CPD: variants seen among roughly 807,000 people sequenced by gnomAD.
CPD encodes carboxypeptidase D.
In CPD, 69 loss-of-function variants were observed where a neutral mutation model predicts 138.3. The ratio of observed to expected loss-of-function variants is 0.50; its 90% CI spans 0.41 to 0.61. The LOEUF is 0.61. Among genes scored for constraint, CPD ranks in the 20% least tolerant of loss-of-function variants. CPD has a pLI of 0.00. For missense variants in CPD, 1,432 were observed against 1,733.3 expected (o/e 0.83, Z 3.09); for synonymous variants, 651 against 642.1 (o/e 1.01, Z -0.21).
chr17:30,426,642 T>TA (rs1912417187), intron 6 of CPD, among the ~76,000 whole-genome samples: 2 of 152,230 alleles, frequency 1.3e-5, no homozygotes, highest in Non-Finnish European at 2.9e-5. Context: ...TTGAGGAAGT[T>TA]ACAAATCTTA....
chr17:30,440,557 T>C (rs1912835011), intron 9 of CPD, among the ~76,000 whole-genome samples: 2 of 148,942 alleles, frequency 1.3e-5, no homozygotes, highest in Admixed American at 1.3e-4. Flanking sequence ...AACGTTTAAA[T>C]CTTTAATCCA....
At chr17:30,453,497 C>T (rs1913217166) in intron 14 of CPD, among the ~76,000 whole-genome samples, 1 of 152,144 alleles carries the variant, frequency 6.6e-6, no homozygotes, top group South Asian at 2.1e-4. Flanking sequence ...ACCCCTGTGG[C>T]TTTACAGGGT....
At chr17:30,421,888 A>G (rs2143413651) in intron 4 of CPD, 55 bp downstream of exon 4, 2 of 1,347,968 alleles carry the variant, frequency 1.5e-6, no homozygotes, top group Non-Finnish European at 2.1e-6. Context: ...TCTGTTTTAT[A>G]TCTGAGACAG....
At position 30,379,104 on chromosome 17, in the gene CPD, ACAACTACGAGCGCGGGCGCCGAGGCGG is replaced by A; in HGVS notation, c.126_152del (p.Thr43_Ala51del). 5.8e-6 allele frequency: 9 copies of A among 1,551,650 alleles called. No individual in the cohort carries two copies. The highest frequency in any genetic ancestry group is 7.8e-6 in the Non-Finnish European group (9 of 1,153,852). ...CATCAAGAAGGCGGAGGCGACTACC[ACAACTACGAGCGCGGGCGCCGAGGCGG>A]CCGAGGGCCAGTTCGACCGCTACTA... is the stretch of plus-strand genomic sequence containing the variant. On this transcript the variant is annotated inframe_deletion, in exon 1 of 21. Transcript: ENST00000225719. This position sits in a 1 kb window ranked among gnomAD's most constrained non-coding sequence, Gnocchi z 7.0.
At chr17:30,407,978 T>C (rs2143374566) in intron 2 of CPD, among the ~76,000 whole-genome samples, 1 of 152,334 alleles carries the variant, frequency 6.6e-6, no homozygotes, top group East Asian at 1.9e-4. Context: ...TAAAACATCT[T>C]GAGTTAATTT....
Position 30,423,102 on chromosome 17 carries a change from A to G in CPD, c.1657+79A>G, listed in dbSNP as rs1030453303. On this transcript the variant is annotated intron_variant, in intron 5 of 20. Coordinates refer to ENST00000225719, the MANE Select transcript of CPD (RefSeq NM_001304.5). ...CAATATTGCTATGTTTCATTCAGAA[A>G]GGTCGCCTACAGTTTGTATAACTGG... 4 of 1,127,294 alleles carry G rather than the reference A, an allele frequency of 3.5e-6. No individual in the cohort carries two copies. The African/African-American group carries it at 6.3e-5, about 18-fold the overall frequency. The allele number at this position is 1,127,294 out of a possible 1,614,324, so 69.8% of individuals were successfully genotyped here. A position where few individuals can be genotyped will look rare whatever the true frequency, so the allele number is the denominator to read the frequency against.
rs2321854 is a variant in CPD, at chr17:30,445,665, G to C, written c.2544-26G>C. 7.5e-4 allele frequency: 1,145 copies of C among 1,519,526 alleles called. 17 individuals are homozygous for C. The South Asian group carries it at 0.013, about 18-fold the overall frequency. The allele number at this position is 1,519,526 out of a possible 1,614,324, so 94.1% of individuals were successfully genotyped here. On this transcript the variant is annotated intron_variant, in intron 11 of 20. Coordinates refer to ENST00000225719, the MANE Select transcript of CPD (RefSeq NM_001304.5). ...TGGGTACTCCAGCTGCAGGAGTGTG[G>C]TTCTGATCTGTCTCCTTTATCATAG...
At chr17:30,407,956 C>T (rs34086083) in intron 2 of CPD, among the ~76,000 whole-genome samples, 55,586 of 151,990 alleles carry the variant, frequency 0.37, 12,652 homozygotes, top group East Asian at 0.82. Flanking sequence ...TTAGGTCGTA[C>T]GTTTAATTCT....
chr17:30,412,842 G>C (rs1912002041), intron 2 of CPD, among the ~76,000 whole-genome samples: 1 of 152,174 alleles, frequency 6.6e-6, no homozygotes. Flanking sequence ...TCCCAGTTGA[G>C]GTGACGCCCT....
chr17:30,396,199 A>G (rs931328719), intron 2 of CPD, among the ~76,000 whole-genome samples: 2 of 152,184 alleles, frequency 1.3e-5, no homozygotes, highest in Admixed American at 1.3e-4. Context: ...TAGTTTTAAT[A>G]AAGTAATATC....
chr17:30,446,681 G>T (rs1188898296), intron 12 of CPD, among the ~76,000 whole-genome samples: 1 of 152,160 alleles, frequency 6.6e-6, no homozygotes, highest in East Asian at 1.9e-4. Context: ...AGTCCTTTGG[G>T]TATATACCCA....
At chr17:30,384,238 G>A (rs879214419) in intron 1 of CPD, among the ~76,000 whole-genome samples, 1 of 151,960 alleles carries the variant, frequency 6.6e-6, no homozygotes, top group East Asian at 1.9e-4. Context: ...TTTTTTTCCT[G>A]AATCTTCTCA....
At position 30,427,500 on chromosome 17, in the gene CPD, T is replaced by C. The variant is rs1912448866; in HGVS notation, c.1959T>C (p.Ile653=). ...CAGATCCTACGCAACCAGAAACTAT[T>C]GCTGTAATGAGCTGGATGAAGTCCT... The part of the protein sequence containing the change: ...QITDPTQPET[I]AVMSWMKSYP... Residue 653 remains isoleucine, a synonymous_variant, in exon 7 of 21, where the codon ATT becomes ATC. Coordinates refer to ENST00000225719, the MANE Select transcript of CPD (RefSeq NM_001304.5). 1.2e-6 allele frequency: 2 copies of C among 1,614,074 alleles called. No individual in the cohort carries two copies. The highest frequency in any genetic ancestry group is 2.2e-5 in the South Asian group (2 of 91,094).
At chr17:30,462,671 A>G (rs1190569990) in intron 20 of CPD, among the ~76,000 whole-genome samples, 1 of 152,076 alleles carries the variant, frequency 6.6e-6, no homozygotes, top group Non-Finnish European at 1.5e-5. Flanking sequence ...CAGCTCCATC[A>G]AGGAGACCCT....
intron 2 of CPD, among the ~76,000 whole-genome samples, chr17:30,391,028 C>A (rs967741527): frequency 2.0e-5 from 3 of 151,758 alleles, no homozygotes; most frequent in African/African-American, 4.8e-5. Flanking sequence ...CAGGGTTTTA[C>A]CATGTTGGTC....
chr17:30,446,179 T>C (rs1181000846), intron 12 of CPD, among the ~76,000 whole-genome samples, 159 bp downstream of exon 12: 1 of 150,570 alleles, frequency 6.6e-6, no homozygotes, highest in East Asian at 1.9e-4. Context: ...TTGGAGATCT[T>C]TTTTTTTTAA....
intron 6 of CPD, among the ~76,000 whole-genome samples, chr17:30,425,094 C>T (rs1912368358): frequency 6.7e-6 from 1 of 149,710 alleles, no homozygotes; most frequent in Admixed American, 6.8e-5. Context: ...GAACTAATTA[C>T]ACTAGTGAGC....
At chr17:30,426,043 A>G (rs1912398208) in intron 6 of CPD, among the ~76,000 whole-genome samples, 1 of 151,964 alleles carries the variant, frequency 6.6e-6, no homozygotes, top group African/African-American at 2.4e-5. Context: ...TACTAAAGAT[A>G]CAAAAAATTA....
intron 15 of CPD, 108 bp from the exon 16 acceptor site, chr17:30,456,148 G>A (rs1247484670): frequency 1.3e-6 from 1 of 774,744 alleles, no homozygotes. Flanking sequence ...CTTAAGTGGA[G>A]TGCAAAATTT....
Sources: gnomAD v4.1 joint callset for allele counts (sites outside exome capture counted in the v4.1 genomes callset) on GRCh38, gnomAD v4.1.1 for gene constraint, Gnocchi (gnomAD v3.1) non-coding constraint, MANE v1.5 for transcripts, NCBI Gene and HGNC (gene_info 2026-07-23, HGNC 2026-07-21) for gene names.